Variants in RNF130 observed in about 807,000 individuals in gnomAD.
RNF130 encodes the protein ring finger protein 130.
Under a neutral mutation model 44.6 loss-of-function variants are expected in RNF130, and 21 were observed. The ratio of observed to expected loss-of-function variants is 0.47; its 90% CI spans 0.33 to 0.68. The LOEUF is 0.68. Ranked by LOEUF, RNF130 falls within the 30% of genes least tolerant of loss-of-function variation. The pLI, the probability that RNF130 is intolerant of heterozygous loss-of-function variation, is 0.02. For missense variants in RNF130, 479 were observed against 560.6 expected, an observed-to-expected ratio of 0.85 and a Z score of 1.47; for synonymous variants, 214 against 210.4, an observed-to-expected ratio of 1.02 and a Z score of -0.15.
intron 8 of RNF130, among the ~76,000 whole-genome samples, chr5:179,962,239 G>A (rs1383828631): frequency 6.6e-6 from 1 of 152,204 alleles, no homozygotes; most frequent in East Asian, 1.9e-4. Flanking sequence ...ACATCTGTGA[G>A]CCTCAACATG....
chr5:179,970,403 A>C lies in RNF130; in HGVS notation c.945+7T>G. On this transcript the variant is annotated splice_region_variant and intron_variant, in intron 6 of 8. Transcript: ENST00000521389. ...AAAAGTGGTAACAAATAAAATAGGA[A>C]ACGTACCACAATTCCCAGGGCCTTC... The C allele has an allele frequency of 6.3e-7, 1 of 1,598,602 alleles. No homozygotes were observed. The highest frequency in any genetic ancestry group is 8.6e-7 in the Non-Finnish European group (1 of 1,169,548).
In RNF130 at chr5:180,020,569, G is replaced by T. The variant is rs187108738; in HGVS notation, c.443-7258C>A. On this transcript the variant is annotated intron_variant, in intron 2 of 8. Transcript: ENST00000521389. ...CACTGATAATTCCTGAGGACAGTGGGCTACAGCTTGTCACCAAAAGCCAAG... is the reference window on the plus strand; with the variant it reads ...CACTGATAATTCCTGAGGACAGTGGTCTACAGCTTGTCACCAAAAGCCAAG... Among the ~76,000 whole-genome samples the T allele has an allele frequency of 9.9e-4, 151 of 152,304 alleles. No homozygotes were observed. In the South Asian group the frequency reaches 0.018, roughly 18 times the overall value.
At chr5:179,921,917 A>G (rs1761636185) in intron 7 of RNF130, among the ~76,000 whole-genome samples, 1 of 151,832 alleles carries the variant, frequency 6.6e-6, no homozygotes, top group African/African-American at 2.4e-5. Context: ...GCTACTCGGG[A>G]GGCTGAGGCA....
intron 8 of RNF130, among the ~76,000 whole-genome samples, chr5:179,962,099 A>G (rs980430735): frequency 9.2e-5 from 14 of 152,230 alleles, no homozygotes; most frequent in African/African-American, 3.4e-4. Flanking sequence ...TGTGTGACCT[A>G]GAGTCTAAGG....
At chr5:179,985,948 C>T (rs1161696323) in intron 3 of RNF130, among the ~76,000 whole-genome samples, 3 of 152,196 alleles carry the variant, frequency 2.0e-5, no homozygotes, top group Non-Finnish European at 4.4e-5. Flanking sequence ...ACTTCTTGAT[C>T]GTCAAAAGCT....
intron 2 of RNF130, among the ~76,000 whole-genome samples, chr5:180,017,094 C>A (rs1763757286): frequency 6.6e-6 from 1 of 152,178 alleles, no homozygotes; most frequent in Non-Finnish European, 1.5e-5. Context: ...CATTAGTCTC[C>A]TTTGATCTAG....
chr5:179,956,854 C>G (rs1338611010), intron 8 of RNF130, among the ~76,000 whole-genome samples: 2 of 152,234 alleles, frequency 1.3e-5, no homozygotes, highest in African/African-American at 4.8e-5. Context: ...TTCAGCACTG[C>G]GAGCCCCGTG....
At chr5:179,922,779 CA>C (rs1330512978) in intron 7 of RNF130, among the ~76,000 whole-genome samples, 17 of 151,820 alleles carry the variant, frequency 1.1e-4, no homozygotes, top group African/African-American at 3.9e-4. Flanking sequence ...ACTAAAAATA[CA>C]AAAAGTAGCC....
chr5:179,995,977 T>C (rs540654327), intron 3 of RNF130, among the ~76,000 whole-genome samples: 1 of 152,194 alleles, frequency 6.6e-6, no homozygotes, highest in African/African-American at 2.4e-5. Flanking sequence ...CATACAAAGA[T>C]TGTGTTTTCT....
chr5:179,939,613 C>G, intron 7 of RNF130: 1 of 440,288 alleles, frequency 2.3e-6, no homozygotes, highest in Admixed American at 2.7e-5. Context: ...TTTGAAGTTG[C>G]CATTCCACTA....
chr5:180,002,456 C>CA (rs1262067144), intron 3 of RNF130, among the ~76,000 whole-genome samples: 1 of 152,172 alleles, frequency 6.6e-6, no homozygotes, highest in African/African-American at 2.4e-5. Context: ...GTCACAGCTC[C>CA]AATTCCAAGA....
At chr5:179,999,772 T>C (rs1163903483) in intron 3 of RNF130, among the ~76,000 whole-genome samples, 1 of 152,234 alleles carries the variant, frequency 6.6e-6, no homozygotes. Context: ...AGGTAGCATA[T>C]AATTGTGTCA....
chr5:179,968,397 G>A (rs1025841877), intron 6 of RNF130, among the ~76,000 whole-genome samples: 8 of 152,142 alleles, frequency 5.3e-5, no homozygotes, highest in Non-Finnish European at 7.3e-5. Context: ...CAGGCACGGT[G>A]GCTCACGCCT....
At chr5:180,036,217 G>C (rs576841903) in intron 2 of RNF130, among the ~76,000 whole-genome samples, 8 of 152,170 alleles carry the variant, frequency 5.3e-5, no homozygotes, top group Admixed American at 3.3e-4. Context: ...TAACAGGCTG[G>C]GTTAAACACA....
At chr5:179,960,336 T>C (rs533721954) in intron 8 of RNF130, among the ~76,000 whole-genome samples, 9 of 152,348 alleles carry the variant, frequency 5.9e-5, no homozygotes, top group Admixed American at 5.9e-4. Context: ...GTTTGCAGTG[T>C]TAAAAAAATT....
chr5:179,989,536 GTC>G (rs1231171318), intron 3 of RNF130, among the ~76,000 whole-genome samples: 1 of 151,842 alleles, frequency 6.6e-6, no homozygotes, highest in Non-Finnish European at 1.5e-5. Context: ...TTTACATAAC[GTC>G]TGTTTTATCT....
At chr5:179,917,897 T>C (rs1761575497) in exon 8 of RNF130, 1 of 152,230 alleles carries the variant, frequency 6.6e-6, no homozygotes. Context: ...TGCCAGCTAC[T>C]CGGTGGGCTG....
At chr5:180,071,226 T>C (rs1452090969) in intron 1 of RNF130, among the ~76,000 whole-genome samples, 1 of 152,244 alleles carries the variant, frequency 6.6e-6, no homozygotes, top group African/African-American at 2.4e-5. Context: ...AACGCAAAGA[T>C]GACCGTTCCA....
At chr5:179,965,370 G>A (rs1177540529) in intron 7 of RNF130, among the ~76,000 whole-genome samples, 1 of 152,204 alleles carries the variant, frequency 6.6e-6, no homozygotes, top group Non-Finnish European at 1.5e-5. Context: ...CTGTGGTTTA[G>A]TTCAATCACG....
Sources: allele counts gnomAD v4.1 joint callset (sites outside exome capture counted in the v4.1 genomes callset), GRCh38; gene constraint gnomAD v4.1.1; transcripts MANE v1.5; gene names NCBI Gene and HGNC (gene_info 2026-07-23, HGNC 2026-07-21).